The following MBD5 variants were observed in gnomAD, a reference collection of about 807,000 sequenced individuals.
MBD5 encodes the protein methyl-CpG-binding domain protein 5.
MBD5 carries 13 observed loss-of-function variants against 117.3 expected under a neutral mutation model. That is an observed-to-expected ratio of 0.11 (90% CI 0.07 to 0.18). The LOEUF (loss-of-function observed/expected upper bound fraction) is 0.18. MBD5 is among the 10% of genes least tolerant of loss of function. MBD5 has a pLI of 1.00. For missense variants in MBD5, 1,879 were observed against 2,093.8 expected (o/e 0.90, Z 2.00); for synonymous variants, 727 against 766.4 (o/e 0.95, Z 0.85).
At position 148,469,715 on chromosome 2, in the gene MBD5, A is replaced by G. The variant is rs748561706; in HGVS notation, c.1772A>G (p.Gln591Arg). 1.2e-5 allele frequency: 19 copies of G among 1,613,924 alleles called. No homozygotes were observed. Among genetic ancestry groups the G allele is most frequent in the East Asian group, 2.2e-5 (1 of 44,866 alleles). ...SAAAKAQLAN[Q>R]NKLAGNNSSS... Reference sequence around the variant, plus strand: ...GCAGCCAAAGCACAGCTAGCAAATCAAAACAAACTTGCTGGTAACAACAGT... The same window carrying G: ...GCAGCCAAAGCACAGCTAGCAAATCGAAACAAACTTGCTGGTAACAACAGT... Residue 591 changes from glutamine (Q) to arginine (R), a missense_variant, in exon 8 of 14, where the codon CAA becomes CGA. Gln to Arg is a conservative substitution (Grantham distance 43). Coordinates refer to ENST00000642680, the MANE Select transcript of MBD5 (RefSeq NM_001378120.1).
Position 148,491,487 on chromosome 2 carries a change from GTA to G in MBD5, c.4962+897_4962+898del, listed in dbSNP as rs1354839411. 3.3e-5 allele frequency among the ~76,000 whole-genome samples: 5 copies of G among 151,970 alleles called. No individual in the cohort carries two copies. In the East Asian group the frequency reaches 9.7e-4, roughly 29 times the overall value. Reference sequence around the variant, plus strand: ...TAGGTAATAAAAATTACTCTTACAGGTATATGTTATTCTCGTAAAGAGTGTAT... The same window carrying G: ...TAGGTAATAAAAATTACTCTTACAGGTATGTTATTCTCGTAAAGAGTGTAT... On this transcript the variant is annotated intron_variant, in intron 11 of 13. Coordinates refer to ENST00000642680, the MANE Select transcript of MBD5 (RefSeq NM_001378120.1).
intron 1 of MBD5, among the ~76,000 whole-genome samples, chr2:148,090,188 TA>T (rs1236092500): frequency 6.6e-6 from 1 of 151,954 alleles, no homozygotes; most frequent in Admixed American, 6.6e-5. Context: ...ATTGAAACAG[TA>T]ATTTAAAAAT....
In MBD5 at chr2:148,361,176, C is replaced by A. The variant is rs150405396; in HGVS notation, c.-557+18840C>A. ...GCCAGCCTGGCCAACATTGTGAAAC[C>A]CAATCTCTACTAAAAATACAAAAAT... On this transcript the variant is annotated intron_variant, in intron 4 of 13. Coordinates refer to ENST00000642680, the MANE Select transcript of MBD5 (RefSeq NM_001378120.1). Among the ~76,000 whole-genome samples the A allele has an allele frequency of 5.0e-3, 761 of 152,188 alleles. 8 individuals are homozygous for A. The highest frequency in any genetic ancestry group is 6.4e-3 in the Non-Finnish European group (438 of 68,000).
At chr2:148,154,264 C>G (rs969927346) in intron 1 of MBD5, among the ~76,000 whole-genome samples, 23 of 152,100 alleles carry the variant, frequency 1.5e-4, no homozygotes, top group Admixed American at 9.8e-4. Context: ...GGTCAGTGAC[C>G]CACTTGAGGA....
chr2:148,233,051 C>A (rs1487784585), intron 2 of MBD5, among the ~76,000 whole-genome samples, 194 bp from the exon 3 acceptor site: 5 of 152,164 alleles, frequency 3.3e-5, no homozygotes, highest in Non-Finnish European at 1.5e-5. Flanking sequence ...GATTGAATTA[C>A]CTGATTGATA....
At chr2:148,105,503 G>A (rs974552988) in intron 1 of MBD5, among the ~76,000 whole-genome samples, 2 of 152,132 alleles carry the variant, frequency 1.3e-5, no homozygotes, top group Non-Finnish European at 2.9e-5. Flanking sequence ...GCAGGCATGA[G>A]CCACCACGCC....
chr2:148,241,414 C>T (rs1354626653), intron 3 of MBD5, among the ~76,000 whole-genome samples: 1 of 152,116 alleles, frequency 6.6e-6, no homozygotes, highest in African/African-American at 2.4e-5. Context: ...TGATGGGGTT[C>T]AAACTCGAAA....
intron 1 of MBD5, among the ~76,000 whole-genome samples, chr2:148,106,483 A>G (rs891315678): frequency 3.3e-5 from 5 of 151,974 alleles, no homozygotes; most frequent in African/African-American, 1.2e-4. Context: ...AGAAAAACAT[A>G]TAACTAATTT....
intron 4 of MBD5, among the ~76,000 whole-genome samples, chr2:148,385,730 A>T (rs1370758468): frequency 2.0e-5 from 3 of 151,490 alleles, no homozygotes; most frequent in African/African-American, 7.3e-5. Context: ...ACAATGATAG[A>T]CTGGATTAAG....
intron 1 of MBD5, among the ~76,000 whole-genome samples, chr2:148,058,707 G>GA (rs1694942594): frequency 1.3e-5 from 2 of 152,146 alleles, no homozygotes; most frequent in East Asian, 1.9e-4. Flanking sequence ...ATGTAGGACA[G>GA]AAAAAATGCT....
At position 148,287,045 on chromosome 2, in the gene MBD5, T is replaced by G. The variant is rs574109202; in HGVS notation, c.-680+53650T>G. Among the ~76,000 whole-genome samples, 4 of 152,338 alleles carry G rather than the reference T, an allele frequency of 2.6e-5. No homozygotes were observed. The East Asian group carries it at 7.7e-4, about 29-fold the overall frequency. ...ATTATGGTTTTTAAAGAGGTTCTTT[T>G]TTTTGCAAAAATATTCAGAGGGTTT... On this transcript the variant is annotated intron_variant, in intron 3 of 13. Coordinates refer to ENST00000642680, the MANE Select transcript of MBD5 (RefSeq NM_001378120.1).
chr2:148,160,135 C>A (rs1697971345), intron 1 of MBD5, among the ~76,000 whole-genome samples: 1 of 152,216 alleles, frequency 6.6e-6, no homozygotes, highest in African/African-American at 2.4e-5. Flanking sequence ...TGCGGTGGCT[C>A]ACGCCTGTAA....
intron 11 of MBD5, among the ~76,000 whole-genome samples, chr2:148,500,872 A>C (rs1191337365): frequency 6.6e-6 from 1 of 152,226 alleles, no homozygotes; most frequent in Non-Finnish European, 1.5e-5. Context: ...ATGGAGGCTC[A>C]TTTCTAACAT....
chr2:148,129,759 C>T (rs942862392), intron 1 of MBD5, among the ~76,000 whole-genome samples: 7 of 152,108 alleles, frequency 4.6e-5, no homozygotes, highest in African/African-American at 1.7e-4. Flanking sequence ...ATTGATAATT[C>T]AGACATTACA....
At chr2:148,355,206 T>A (rs1393046129) in intron 4 of MBD5, among the ~76,000 whole-genome samples, 1 of 152,100 alleles carries the variant, frequency 6.6e-6, no homozygotes, top group African/African-American at 2.4e-5. Context: ...GCAAAAATTT[T>A]CTCCCATTCT....
At chr2:148,493,860 G>T (rs1681606419) in intron 11 of MBD5, among the ~76,000 whole-genome samples, 1 of 152,200 alleles carries the variant, frequency 6.6e-6, no homozygotes, top group Non-Finnish European at 1.5e-5. Flanking sequence ...AAAAAAAGCA[G>T]GGTGTAGCAT....
At chr2:148,258,755 A>G (rs1700654751) in intron 3 of MBD5, among the ~76,000 whole-genome samples, 1 of 152,170 alleles carries the variant, frequency 6.6e-6, no homozygotes, top group South Asian at 2.1e-4. Context: ...GGTCAACCCC[A>G]GCCAAAATCA....
intron 1 of MBD5, among the ~76,000 whole-genome samples, chr2:148,037,129 A>G (rs1448215902): frequency 6.6e-6 from 1 of 151,998 alleles, no homozygotes; most frequent in Non-Finnish European, 1.5e-5. Flanking sequence ...CATTTAGTAT[A>G]CTACTCTAAA....
At chr2:148,201,517 G>A (rs1699142108) in intron 2 of MBD5, among the ~76,000 whole-genome samples, 1 of 152,160 alleles carries the variant, frequency 6.6e-6, no homozygotes, top group Admixed American at 6.5e-5. Flanking sequence ...CACCTCCAGG[G>A]CTGCCTTGGC....
Sources: gnomAD v4.1 joint callset for allele counts (sites outside exome capture counted in the v4.1 genomes callset) on GRCh38, gnomAD v4.1.1 for gene constraint, MANE v1.5 for transcripts, NCBI Gene and HGNC (gene_info 2026-07-23, HGNC 2026-07-21) for gene names.